Variants in CCSER1 observed in about 807,000 individuals in gnomAD.
CCSER1 encodes coiled-coil serine rich protein 1.
In CCSER1, 41 loss-of-function variants were observed where a neutral mutation model predicts 82.0. That is an observed-to-expected ratio of 0.50 (90% CI 0.39 to 0.65). The LOEUF is 0.65. Ranked by LOEUF, CCSER1 falls within the 30% of genes least tolerant of loss-of-function variation. CCSER1 has a pLI of 0.00. For synonymous variants in CCSER1, 414 were observed against 383.9 expected, an observed-to-expected ratio of 1.08 and a Z score of -0.92; for missense variants, 1,119 against 1,064.2, an observed-to-expected ratio of 1.05 and a Z score of -0.72.
intron 10 of CCSER1, among the ~76,000 whole-genome samples, chr4:91,471,553 T>C (rs534845706): frequency 2.6e-5 from 4 of 152,282 alleles, no homozygotes; most frequent in South Asian, 4.2e-4. Context: ...TGAGACACGG[T>C]CTGCTTGTTT....
chr4:91,562,759 CT>C, intron 10 of CCSER1, among the ~76,000 whole-genome samples: 1 of 151,512 alleles, frequency 6.6e-6, no homozygotes, highest in South Asian at 2.1e-4. Flanking sequence ...ATGGCAAATA[CT>C]TCTCATTCAA....
intron 3 of CCSER1, among the ~76,000 whole-genome samples, chr4:90,373,234 T>C (rs911402222): frequency 6.6e-6 from 1 of 152,120 alleles, no homozygotes; most frequent in African/African-American, 2.4e-5. Context: ...GTGAAAATTA[T>C]CATATATATT....
chr4:91,187,455 ATAACT>A (rs1339049377), intron 10 of CCSER1, among the ~76,000 whole-genome samples: 2 of 152,258 alleles, frequency 1.3e-5, no homozygotes, highest in Non-Finnish European at 2.9e-5. Flanking sequence ...AAAGTATGAA[ATAACT>A]TAAGATGTTT....
At chr4:90,808,702 C>T (rs1366143065) in intron 7 of CCSER1, among the ~76,000 whole-genome samples, 3 of 152,008 alleles carry the variant, frequency 2.0e-5, no homozygotes, top group African/African-American at 7.3e-5. Context: ...TCACTTTATC[C>T]AGAATAACCA....
At chr4:90,451,056 A>C (rs1343218197) in intron 4 of CCSER1, among the ~76,000 whole-genome samples, 1 of 152,278 alleles carries the variant, frequency 6.6e-6, no homozygotes, top group East Asian at 1.9e-4. Flanking sequence ...GCCTTTTAAT[A>C]ATCTCATTTG....
chr4:91,595,694 G>A (rs1343381489), intron 10 of CCSER1, among the ~76,000 whole-genome samples: 1 of 151,864 alleles, frequency 6.6e-6, no homozygotes, highest in Non-Finnish European at 1.5e-5. Flanking sequence ...TAGGTAACTT[G>A]CCATGTTCAC....
chr4:90,726,270 G>A (rs1380803557), intron 7 of CCSER1, among the ~76,000 whole-genome samples: 1 of 151,882 alleles, frequency 6.6e-6, no homozygotes, highest in Non-Finnish European at 1.5e-5. Flanking sequence ...ATGACATTCA[G>A]ATTAAGTTGA....
At chr4:90,919,018 C>T (rs1727966161) in intron 8 of CCSER1, among the ~76,000 whole-genome samples, 1 of 142,366 alleles carries the variant, frequency 7.0e-6, no homozygotes, top group South Asian at 2.2e-4. Flanking sequence ...TATTAGTAGG[C>T]ATTCTGTGGA....
intron 9 of CCSER1, among the ~76,000 whole-genome samples, chr4:90,989,837 A>G (rs1004979438): frequency 4.0e-5 from 6 of 151,794 alleles, no homozygotes; most frequent in African/African-American, 1.2e-4. Context: ...GGGAGATAGA[A>G]TTAGAGAGAG....
chr4:90,687,036 G>A (rs1022426546), intron 6 of CCSER1, among the ~76,000 whole-genome samples: 3 of 152,062 alleles, frequency 2.0e-5, no homozygotes, highest in African/African-American at 7.2e-5. Flanking sequence ...CTTACCTATC[G>A]TCTTTCTCTA....
At chr4:90,301,649 A>G (rs1733146567) in intron 1 of CCSER1, among the ~76,000 whole-genome samples, 1 of 152,148 alleles carries the variant, frequency 6.6e-6, no homozygotes. Flanking sequence ...AGACCCCTAG[A>G]TAATGGATAG....
intron 8 of CCSER1, among the ~76,000 whole-genome samples, chr4:90,903,392 T>A (rs1003908613): frequency 6.6e-6 from 1 of 152,108 alleles, no homozygotes; most frequent in Non-Finnish European, 1.5e-5. Flanking sequence ...CTGCCATGAT[T>A]CTGAGGCCTC....
intron 10 of CCSER1, chr4:91,319,566 A>G (rs1175386844): frequency 2.3e-6 from 1 of 427,256 alleles, no homozygotes; most frequent in Non-Finnish European, 4.7e-6. Flanking sequence ...CCTGTGAAAG[A>G]AGTAAAGAAT....
chr4:91,318,374 A>T (rs1745972436), intron 10 of CCSER1, among the ~76,000 whole-genome samples: 1 of 152,036 alleles, frequency 6.6e-6, no homozygotes, highest in South Asian at 2.1e-4. Flanking sequence ...TCAGAGCATC[A>T]TCACAACATA....
intron 4 of CCSER1, among the ~76,000 whole-genome samples, chr4:90,458,207 G>A (rs1762427041): frequency 6.6e-6 from 1 of 152,120 alleles, no homozygotes; most frequent in South Asian, 2.1e-4. Context: ...CAACTTGTAA[G>A]GGGGCAGGGC....
chr4:90,910,094 G>A (rs1290235681), intron 8 of CCSER1, among the ~76,000 whole-genome samples: 1 of 152,114 alleles, frequency 6.6e-6, no homozygotes, highest in Non-Finnish European at 1.5e-5. Flanking sequence ...TCACATGGTG[G>A]CAGGAAAGAC....
intron 1 of CCSER1, among the ~76,000 whole-genome samples, chr4:90,130,306 G>A (rs890109405): frequency 3.9e-5 from 6 of 152,132 alleles, no homozygotes; most frequent in African/African-American, 1.2e-4. Context: ...TTAACAACCC[G>A]TAACAATAAG....
intron 10 of CCSER1, among the ~76,000 whole-genome samples, chr4:91,520,888 A>G (rs1760423257): frequency 6.6e-6 from 1 of 152,000 alleles, no homozygotes; most frequent in African/African-American, 2.4e-5. Flanking sequence ...TTTTTCATTT[A>G]TTCATTTTTT....
chr4:91,151,714 C>A (rs753390172), intron 10 of CCSER1, among the ~76,000 whole-genome samples: 1 of 152,108 alleles, frequency 6.6e-6, no homozygotes, highest in Non-Finnish European at 1.5e-5. Context: ...TTTGTTTCTG[C>A]CTTAATTTCT....
Sources: gnomAD v4.1 joint callset for allele counts (sites outside exome capture counted in the v4.1 genomes callset) on GRCh38, gnomAD v4.1.1 for gene constraint, MANE v1.5 for transcripts, NCBI Gene and HGNC (gene_info 2026-07-23, HGNC 2026-07-21) for gene names.